The following PTPN4 variants were observed in gnomAD, a reference collection of about 807,000 sequenced individuals.
PTPN4 encodes the protein protein tyrosine phosphatase non-receptor type 4, also known as tyrosine-protein phosphatase non-receptor type 4.
PTPN4 carries 49 observed loss-of-function variants against 135.5 expected under a neutral mutation model. The ratio of observed to expected loss-of-function variants is 0.36; its 90% confidence interval spans 0.29 to 0.46. The LOEUF (loss-of-function observed/expected upper bound fraction) is 0.46, where lower values mean the gene tolerates loss of function less well. Among genes scored for constraint, PTPN4 ranks in the 20% least tolerant of loss-of-function variants. PTPN4 has a pLI of 1.00. For synonymous variants in PTPN4, 333 were observed against 369.9 expected, an observed-to-expected ratio of 0.90 and a Z score of 1.14; for missense variants, 860 against 1,101.0, an observed-to-expected ratio of 0.78 and a Z score of 3.10.
chr2:119,878,234 T>C (rs962096766), intron 5 of PTPN4, among the ~76,000 whole-genome samples: 1 of 152,200 alleles, frequency 6.6e-6, no homozygotes, highest in Non-Finnish European at 1.5e-5. Flanking sequence ...GGGTGAAATA[T>C]TGAAGGTAGA....
chr2:119,944,461 T>C (rs1311378028), intron 15 of PTPN4, among the ~76,000 whole-genome samples: 4 of 152,220 alleles, frequency 2.6e-5, no homozygotes, highest in Non-Finnish European at 5.9e-5. Flanking sequence ...TCTAGCTCTT[T>C]TTATCAATTC....
chr2:119,876,281 G>A (rs1359889458), intron 3 of PTPN4, among the ~76,000 whole-genome samples: 1 of 152,174 alleles, frequency 6.6e-6, no homozygotes, highest in Non-Finnish European at 1.5e-5. Context: ...TATGGAGCAT[G>A]AAGAGGGACA....
chr2:119,766,449 C>CGTGTGTGTGTGT (rs745803520), intron 1 of PTPN4, among the ~76,000 whole-genome samples: 6 of 130,996 alleles, frequency 4.6e-5, no homozygotes, highest in African/African-American at 1.9e-4. Flanking sequence ...CATGTGCGCG[C>CGTGTGTGTGTGT]GTGTGTGTGT....
intron 2 of PTPN4, among the ~76,000 whole-genome samples, chr2:119,817,729 G>A (rs1014754773): frequency 6.6e-6 from 1 of 152,104 alleles, no homozygotes; most frequent in African/African-American, 2.4e-5. Context: ...AATAGAGATA[G>A]CATTGAATCT....
intron 1 of PTPN4, among the ~76,000 whole-genome samples, chr2:119,790,287 T>C (rs1691120842): frequency 6.6e-6 from 1 of 152,172 alleles, no homozygotes; most frequent in Admixed American, 6.5e-5. Context: ...TTATTCATTA[T>C]TGAGAATGAA....
intron 9 of PTPN4, among the ~76,000 whole-genome samples, chr2:119,897,250 A>G (rs1678338306): frequency 2.0e-5 from 3 of 152,088 alleles, no homozygotes; most frequent in African/African-American, 7.2e-5. Context: ...TCCTTTTGAC[A>G]TGATCTTGGT....
intron 9 of PTPN4, among the ~76,000 whole-genome samples, chr2:119,887,745 T>G (rs1404174614): frequency 6.6e-6 from 1 of 152,206 alleles, no homozygotes; most frequent in Non-Finnish European, 1.5e-5. Flanking sequence ...TGTGTATGTT[T>G]TTATATCAGT....
chr2:119,955,010 A>T, intron 19 of PTPN4, 147 bp from the exon 20 acceptor site: 1 of 682,236 alleles, frequency 1.5e-6, no homozygotes, highest in Non-Finnish European at 2.3e-6. Context: ...GTCCCCCCAT[A>T]GTGACACCAG....
chr2:119,814,746 A>G (rs1250417015), intron 2 of PTPN4, among the ~76,000 whole-genome samples: 1 of 152,192 alleles, frequency 6.6e-6, no homozygotes, highest in Admixed American at 6.5e-5. Flanking sequence ...GACATCTCTC[A>G]AGTTGATTGT....
intron 1 of PTPN4, among the ~76,000 whole-genome samples, chr2:119,764,887 A>G (rs1034584416): frequency 1.3e-5 from 2 of 152,198 alleles, no homozygotes; most frequent in African/African-American, 4.8e-5. Flanking sequence ...TAAAAAATAA[A>G]GTTGTGTGGT....
chr2:119,921,886 A>G (rs116068685), intron 12 of PTPN4, among the ~76,000 whole-genome samples: 1 of 152,340 alleles, frequency 6.6e-6, no homozygotes, highest in African/African-American at 2.4e-5. Context: ...GTAGTTATAC[A>G]AGGACTACTC....
At chr2:119,766,147 T>G (rs981360593) in intron 1 of PTPN4, among the ~76,000 whole-genome samples, 1 of 152,096 alleles carries the variant, frequency 6.6e-6, no homozygotes, top group African/African-American at 2.4e-5. Context: ...CCCAGGATGG[T>G]TTCTTTTGGC....
At chr2:119,829,522 T>G (rs1177624660) in intron 2 of PTPN4, among the ~76,000 whole-genome samples, 1 of 152,226 alleles carries the variant, frequency 6.6e-6, no homozygotes, top group African/African-American at 2.4e-5. Context: ...GAATCTTTGT[T>G]TCTCTATGAA....
Position 119,973,655 on chromosome 2 carries a change from G to GTTTTTTTTTTTTTTTTT in PTPN4, c.2695-3318_2695-3302dup, listed in dbSNP as rs70949378. ...TTGAAAGCTTCCTCCTTCATTTCTT[G>GTTTTTTTTTTTTTTTTT]TTTTTTTTTTTTTTTTTTTTTTTTT... On this transcript the variant is annotated intron_variant, in intron 26 of 26. Coordinates refer to ENST00000263708, the MANE Select transcript of PTPN4 (RefSeq NM_002830.4). Among the ~76,000 whole-genome samples the GTTTTTTTTTTTTTTTTT allele has an allele frequency of 6.8e-4, 26 of 38,392 alleles. 6 individuals are homozygous for GTTTTTTTTTTTTTTTTT. Among genetic ancestry groups the GTTTTTTTTTTTTTTTTT allele is most frequent in the Admixed American group, 1.8e-3 (4 of 2,280 alleles). 25.2% of individuals were successfully genotyped at this position (38,392 alleles called of 152,430 possible). A position where few individuals can be genotyped will look rare whatever the true frequency, so the allele number is the denominator to read the frequency against.
At position 119,920,334 on chromosome 2, in the gene PTPN4, T is replaced by TTAC. The variant is rs1227499725; in HGVS notation, c.1001+94_1001+96dup. 13 of 1,357,624 alleles carry TTAC rather than the reference T, an allele frequency of 9.6e-6. No homozygotes were observed. The African/African-American group carries it at 1.8e-4, about 18-fold the overall frequency. The allele number at this position is 1,357,624 out of a possible 1,614,324, so 84.1% of individuals were successfully genotyped here. A position where few individuals can be genotyped will look rare whatever the true frequency, so the allele number is the denominator to read the frequency against. On this transcript the variant is annotated intron_variant, in intron 12 of 26. Transcript: ENST00000263708. ...AGTTTATGGAACCATACAACCTTTG[T>TTAC]TACACAAACTTAACTGAGTCAAAAA...
chr2:119,868,587 G>A (rs1677864818), intron 3 of PTPN4, among the ~76,000 whole-genome samples: 1 of 152,206 alleles, frequency 6.6e-6, no homozygotes, highest in Non-Finnish European at 1.5e-5. Context: ...TTACCGGAAT[G>A]AGGGCAAGGA....
intron 9 of PTPN4, among the ~76,000 whole-genome samples, chr2:119,889,207 C>G (rs1363367115): frequency 1.3e-5 from 2 of 152,090 alleles, no homozygotes; most frequent in Admixed American, 1.3e-4. Context: ...ATCACGAGGT[C>G]AGGAGATTGA....
chr2:119,966,424 T>A (rs1271694588), intron 25 of PTPN4, among the ~76,000 whole-genome samples: 2 of 152,072 alleles, frequency 1.3e-5, no homozygotes, highest in African/African-American at 2.4e-5. Context: ...GCCTGGCTAA[T>A]TTTTGTATTT....
intron 13 of PTPN4, among the ~76,000 whole-genome samples, chr2:119,928,678 G>A (rs905314979): frequency 1.3e-5 from 2 of 151,908 alleles, no homozygotes; most frequent in Non-Finnish European, 2.9e-5. Context: ...TTTAAAAAAC[G>A]AATAACATTT....
Sources: gnomAD v4.1 joint callset for allele counts (sites outside exome capture counted in the v4.1 genomes callset) on GRCh38, gnomAD v4.1.1 for gene constraint, MANE v1.5 for transcripts, NCBI Gene and HGNC (gene_info 2026-07-23, HGNC 2026-07-21) for gene names.